The following RGS5 variants were observed in gnomAD, a reference collection of about 807,000 sequenced individuals.
The protein encoded by RGS5 is regulator of G protein signaling 5.
RGS5 carries 20 observed loss-of-function variants against 18.9 expected under a neutral mutation model. That is an observed-to-expected ratio of 1.06 (90% CI 0.74 to 1.54). RGS5 has a LOEUF of 1.54. Ranked by LOEUF, RGS5 falls within the 40% of genes most tolerant of loss-of-function variation. The probability of loss-of-function intolerance (pLI) is 0.00; values close to 1 mark genes in which losing one functional copy is unlikely to be tolerated. For synonymous variants in RGS5, 57 were observed against 76.2 expected (o/e 0.75, Z 1.31); for missense variants, 201 against 211.8 (o/e 0.95, Z 0.32).
At chr1:163,299,858 TG>T (rs1649509491) in intron 2 of RGS5, among the ~76,000 whole-genome samples, 1 of 152,366 alleles carries the variant, frequency 6.6e-6, no homozygotes. Context: ...CTTTCACCAA[TG>T]GTGCCCCCAG....
chr1:163,190,310 A>G (rs2101646165), intron 1 of RGS5, among the ~76,000 whole-genome samples: 1 of 152,320 alleles, frequency 6.6e-6, no homozygotes, highest in South Asian at 2.1e-4. Flanking sequence ...TTGAGGGTCA[A>G]TTATTAGCTT....
At chr1:163,296,716 C>T (rs1649426798) in intron 2 of RGS5, among the ~76,000 whole-genome samples, 1 of 152,148 alleles carries the variant, frequency 6.6e-6, no homozygotes, top group African/African-American at 2.4e-5. Flanking sequence ...ATAATCTACC[C>T]ACACAGTTTC....
intron 1 of RGS5, among the ~76,000 whole-genome samples, chr1:163,312,013 G>T (rs1649879694): frequency 6.6e-6 from 1 of 152,212 alleles, no homozygotes; most frequent in African/African-American, 2.4e-5. Flanking sequence ...ATATGGTTTG[G>T]CTTTGTGTCT....
intron 2 of RGS5, among the ~76,000 whole-genome samples, chr1:163,235,439 T>C (rs1647597704): frequency 6.6e-6 from 1 of 152,244 alleles, no homozygotes; most frequent in South Asian, 2.1e-4. Context: ...AACTGGTCTA[T>C]AGGAATTCTT....
Position 163,144,555 on chromosome 1 carries a change from A to T in RGS5, c.*2787T>A, listed in dbSNP as rs536690758. The T allele has an allele frequency of 6.6e-6, 1 of 152,616 alleles. No individual in the cohort carries two copies. The highest frequency in any genetic ancestry group is 6.5e-5 in the Admixed American group (1 of 15,278). The allele number at this position is 152,616 out of a possible 1,614,324, so 9.5% of individuals were successfully genotyped here. A position where few individuals can be genotyped will look rare whatever the true frequency, so the allele number is the denominator to read the frequency against. On this transcript the variant is annotated 3_prime_UTR_variant, in exon 5 of 5. Coordinates refer to ENST00000313961, the MANE Select transcript of RGS5 (RefSeq NM_003617.4). ...CTCCCAACAGTAGTTACGTTTTCAC[A>T]GGGGAGGAAAACGCCAGTACAACAG...
Position 163,202,837 on chromosome 1 carries a change from T to C in RGS5, c.-2A>G. On this transcript the variant is annotated 5_prime_UTR_variant, in exon 1 of 5. Coordinates refer to ENST00000313961, the MANE Select transcript of RGS5 (RefSeq NM_003617.4). ...CAAAGCTGCAAGTCCTTTGCACATT[T>C]TGGCAGGTGGCTTAGCTCCTCCGCT... 6.2e-7 allele frequency: 1 copy of C among 1,613,500 alleles called. No homozygotes were observed. The highest frequency in any genetic ancestry group is 8.5e-7 in the Non-Finnish European group (1 of 1,179,618).
Position 163,285,862 on chromosome 1 carries a change from G to A in RGS5, c.-281+20371C>T, listed in dbSNP as rs551568972. ...CTTTGCCATGGGTAAGTTTCCCAGC[G>A]CCTCCCCAGAAGCAGAATCCTGTAC... On this transcript the variant is annotated intron_variant, in intron 2 of 5. Transcript: ENST00000618415. 5.9e-5 allele frequency among the ~76,000 whole-genome samples: 9 copies of A among 151,834 alleles called. No homozygotes were observed. In the South Asian group the frequency reaches 1.2e-3, roughly 21 times the overall value.
chr1:163,264,761 T>C (rs976016761), intron 2 of RGS5, among the ~76,000 whole-genome samples: 2 of 152,160 alleles, frequency 1.3e-5, no homozygotes, highest in African/African-American at 4.8e-5. Flanking sequence ...TATTTCCCTA[T>C]GTCAACCTGC....
intron 2 of RGS5, among the ~76,000 whole-genome samples, chr1:163,227,551 G>A (rs1647366625): frequency 6.6e-6 from 1 of 152,080 alleles, no homozygotes; most frequent in Non-Finnish European, 1.5e-5. Context: ...AAAATCGGGT[G>A]GGGACACACA....
chr1:163,170,093 A>G (rs1658231167), intron 1 of RGS5, among the ~76,000 whole-genome samples: 2 of 152,174 alleles, frequency 1.3e-5, no homozygotes, highest in Admixed American at 1.3e-4. Context: ...GGCAAATCTT[A>G]AATATTAATC....
upstream of RGS5, among the ~76,000 whole-genome samples, chr1:163,204,446 C>T (rs566365028): frequency 5.3e-5 from 8 of 152,174 alleles, no homozygotes; most frequent in East Asian, 1.5e-3. Flanking sequence ...AACTCCTGGG[C>T]ACAAGCGATC....
chr1:163,159,071 G>A (rs551398230), intron 3 of RGS5, among the ~76,000 whole-genome samples: 24 of 152,238 alleles, frequency 1.6e-4, no homozygotes, highest in East Asian at 5.8e-4. Context: ...TGTTCCACCC[G>A]GCTCACCGGC....
intron 2 of RGS5, among the ~76,000 whole-genome samples, chr1:163,226,014 G>A (rs534803710): frequency 4.0e-5 from 6 of 151,884 alleles, no homozygotes; most frequent in South Asian, 2.1e-4. Context: ...TCCACCTCCC[G>A]GGTTCAAAGT....
intron 2 of RGS5, among the ~76,000 whole-genome samples, chr1:163,273,558 A>C: frequency 6.6e-6 from 1 of 151,932 alleles, no homozygotes; most frequent in East Asian, 1.9e-4. Flanking sequence ...TATTCATTCG[A>C]TCATTGGGGT....
chr1:163,283,053 T>C (rs1649037278), intron 2 of RGS5, among the ~76,000 whole-genome samples: 1 of 152,066 alleles, frequency 6.6e-6, no homozygotes, highest in South Asian at 2.1e-4. Context: ...ATGCCACATA[T>C]TGTCACTCAT....
intron 1 of RGS5, among the ~76,000 whole-genome samples, chr1:163,309,185 C>T (rs939834920): frequency 2.6e-5 from 4 of 152,046 alleles, no homozygotes; most frequent in African/African-American, 7.2e-5. Flanking sequence ...ACTGCACTCC[C>T]ACTTGGGTGA....
chr1:163,188,785 C>T (rs191681580), intron 1 of RGS5, among the ~76,000 whole-genome samples: 105 of 152,012 alleles, frequency 6.9e-4, no homozygotes, highest in Middle Eastern at 3.4e-3. Context: ...TGGTGAAACC[C>T]CGTCTCTACT....
At chr1:163,318,983 T>G (rs924932818) in intron 1 of RGS5, 2 of 152,222 alleles carry the variant, frequency 1.3e-5, no homozygotes, top group Non-Finnish European at 2.9e-5. Flanking sequence ...GGAATCTCTA[T>G]TCATAAGAAT....
intron 2 of RGS5, among the ~76,000 whole-genome samples, chr1:163,167,750 G>A (rs1290375801): frequency 6.6e-6 from 1 of 152,180 alleles, no homozygotes; most frequent in East Asian, 1.9e-4. Flanking sequence ...AACTTGAGGG[G>A]CACTATCTTG....
Sources: gnomAD v4.1 joint callset for allele counts (sites outside exome capture counted in the v4.1 genomes callset) on GRCh38, gnomAD v4.1.1 for gene constraint, MANE v1.5 for transcripts, NCBI Gene and HGNC (gene_info 2026-07-23, HGNC 2026-07-21) for gene names.